Variants in NCOA1 observed in about 807,000 individuals in gnomAD.
NCOA1 encodes the protein nuclear receptor coactivator 1.
NCOA1 carries 35 observed loss-of-function variants against 150.9 expected under a neutral mutation model. The ratio of observed to expected loss-of-function variants is 0.23; its 90% CI spans 0.18 to 0.31. The LOEUF is 0.31. Ranked by LOEUF, NCOA1 falls within the 10% of genes least tolerant of loss-of-function variation. The pLI, the probability that NCOA1 is intolerant of heterozygous loss-of-function variation, is 1.00. For synonymous variants in NCOA1, 590 were observed against 630.0 expected, an observed-to-expected ratio of 0.94 and a Z score of 0.95; for missense variants, 1,491 against 1,749.3, an observed-to-expected ratio of 0.85 and a Z score of 2.63.
chr2:24,529,843 C>T (rs1260174526), intron 1 of NCOA1, among the ~76,000 whole-genome samples: 2 of 152,028 alleles, frequency 1.3e-5, no homozygotes, highest in African/African-American at 4.8e-5. Context: ...AAAAAGCAGC[C>T]ATATTTAGCA....
intron 7 of NCOA1, among the ~76,000 whole-genome samples, chr2:24,680,540 A>T (rs1195368441): frequency 6.6e-6 from 1 of 152,196 alleles, no homozygotes; most frequent in Non-Finnish European, 1.5e-5. Flanking sequence ...CATAGGAGAG[A>T]GTAGAATGGT....
intron 6 of NCOA1, among the ~76,000 whole-genome samples, chr2:24,673,061 A>T (rs1332037290): frequency 6.6e-6 from 1 of 152,242 alleles, no homozygotes; most frequent in African/African-American, 2.4e-5. Flanking sequence ...AACTTCTGGT[A>T]TGGACTTTTT....
intron 17 of NCOA1, among the ~76,000 whole-genome samples, chr2:24,736,227 AAAAAAAAAAAG>A (rs1178356546): frequency 1.3e-5 from 2 of 150,650 alleles, no homozygotes; most frequent in East Asian, 3.9e-4. Flanking sequence ...GTCTCAAAAA[AAAAAAAAAAAG>A]AAAAAGAAAA....
chr2:24,644,492 T>C (rs1233336310), intron 4 of NCOA1, among the ~76,000 whole-genome samples: 2 of 152,182 alleles, frequency 1.3e-5, no homozygotes, highest in Non-Finnish European at 2.9e-5. Context: ...TATATAATTA[T>C]AGGTATACCT....
chr2:24,588,809 G>T (rs987110270), intron 3 of NCOA1, among the ~76,000 whole-genome samples: 1 of 152,110 alleles, frequency 6.6e-6, no homozygotes, highest in Non-Finnish European at 1.5e-5. Flanking sequence ...AATGTGCAAG[G>T]TATTTCTGTT....
chr2:24,531,401 GA>G (rs1052043763), intron 1 of NCOA1, among the ~76,000 whole-genome samples: 4 of 151,714 alleles, frequency 2.6e-5, no homozygotes, highest in African/African-American at 4.8e-5. Flanking sequence ...GCCATAAAAA[GA>G]AAAAAAATAA....
intron 6 of NCOA1, among the ~76,000 whole-genome samples, chr2:24,669,439 T>G (rs959217814): frequency 6.6e-6 from 1 of 152,234 alleles, no homozygotes; most frequent in African/African-American, 2.4e-5. Flanking sequence ...ATGTCACTTC[T>G]GTTCACGTTC....
intron 17 of NCOA1, 95 bp downstream of exon 17, chr2:24,729,910 A>T: frequency 7.4e-7 from 1 of 1,346,138 alleles, no homozygotes; most frequent in Non-Finnish European, 1.0e-6. Flanking sequence ...CAGTAGTGCT[A>T]TCTCAGCCCA....
At chr2:24,641,316 A>G (rs1050130935) in intron 3 of NCOA1, among the ~76,000 whole-genome samples, 117 of 151,406 alleles carry the variant, frequency 7.7e-4, no homozygotes, top group African/African-American at 2.6e-3. Context: ...ATATTTTAAT[A>G]TATTTTTGTA....
At chr2:24,590,388 T>C (rs1311241741) in intron 3 of NCOA1, among the ~76,000 whole-genome samples, 1 of 152,198 alleles carries the variant, frequency 6.6e-6, no homozygotes, top group African/African-American at 2.4e-5. Context: ...AAGATTATGC[T>C]TCTAAAACAT....
chr2:24,538,723 C>T (rs938822235), intron 1 of NCOA1, among the ~76,000 whole-genome samples: 2 of 152,106 alleles, frequency 1.3e-5, no homozygotes, highest in South Asian at 2.1e-4. Context: ...TTCCCAGTTG[C>T]TCTGATTTCA....
intron 11 of NCOA1, among the ~76,000 whole-genome samples, chr2:24,698,768 A>G (rs1004384595): frequency 6.6e-6 from 1 of 152,196 alleles, no homozygotes; most frequent in Admixed American, 6.5e-5. Flanking sequence ...TCTTAATTTT[A>G]ACATTTTTCC....
chr2:24,619,228 G>A (rs1669008923), intron 3 of NCOA1, among the ~76,000 whole-genome samples: 1 of 152,066 alleles, frequency 6.6e-6, no homozygotes, highest in Admixed American at 6.5e-5. Flanking sequence ...CTTTATTCTT[G>A]GAAAGTATTC....
intron 7 of NCOA1, among the ~76,000 whole-genome samples, chr2:24,679,846 G>A (rs946392841): frequency 1.3e-5 from 2 of 152,050 alleles, no homozygotes; most frequent in Admixed American, 6.6e-5. Context: ...AGTAAGTCAC[G>A]GCGATCGGGT....
intron 5 of NCOA1, among the ~76,000 whole-genome samples, chr2:24,660,345 ATAT>A (rs138203734): frequency 0.043 from 6,558 of 152,212 alleles, 209 homozygotes; most frequent in African/African-American, 0.093. Flanking sequence ...ATATTTTATC[ATAT>A]TATTATTTTG....
At chr2:24,655,226 T>C (rs965870253) in intron 4 of NCOA1, among the ~76,000 whole-genome samples, 17 of 152,208 alleles carry the variant, frequency 1.1e-4, no homozygotes, top group Non-Finnish European at 2.4e-4. Context: ...TTAAAGTTTT[T>C]TGGCTAGTAT....
At chr2:24,493,236 G>A (rs148202984) in intron 1 of NCOA1, among the ~76,000 whole-genome samples, 238 of 152,252 alleles carry the variant, frequency 1.6e-3, no homozygotes, top group Middle Eastern at 6.8e-3. Context: ...CCTGTACTTT[G>A]TGGAAAGGTC....
intron 1 of NCOA1, among the ~76,000 whole-genome samples, chr2:24,498,923 A>G (rs1322376246): frequency 1.3e-5 from 2 of 152,074 alleles, no homozygotes; most frequent in African/African-American, 4.8e-5. Context: ...ACTCATTTTT[A>G]TGTATATTTA....
chr2:24,496,860 G>T (rs1663237664), intron 1 of NCOA1, among the ~76,000 whole-genome samples: 1 of 152,170 alleles, frequency 6.6e-6, no homozygotes, highest in African/African-American at 2.4e-5. Context: ...TTTGAGTAAT[G>T]TGTAAGCTAG....
Sources: gnomAD v4.1 joint callset for allele counts (sites outside exome capture counted in the v4.1 genomes callset) on GRCh38, gnomAD v4.1.1 for gene constraint, MANE v1.5 for transcripts, NCBI Gene and HGNC (gene_info 2026-07-23, HGNC 2026-07-21) for gene names.